Variants in DPP6 observed in about 807,000 individuals in gnomAD.
DPP6 encodes dipeptidyl peptidase like 6, also known as A-type potassium channel modulatory protein DPP6.
In DPP6, 69 loss-of-function variants were observed where a neutral mutation model predicts 122.6. The ratio of observed to expected loss-of-function variants is 0.56; its 90% CI spans 0.46 to 0.69. The LOEUF (loss-of-function observed/expected upper bound fraction) is 0.69, where lower values mean the gene tolerates loss of function less well. DPP6 is among the 30% of genes least tolerant of loss of function. The probability of loss-of-function intolerance (pLI) is 0.00; values close to 1 mark genes in which losing one functional copy is unlikely to be tolerated. For synonymous variants in DPP6, 418 were observed against 433.1 expected (o/e 0.97, Z 0.43); for missense variants, 928 against 1,116.9 (o/e 0.83, Z 2.41).
chr7:154,503,996 G>A (rs1002961738), intron 3 of DPP6, among the ~76,000 whole-genome samples: 16 of 152,196 alleles, frequency 1.1e-4, no homozygotes, highest in Admixed American at 9.8e-4. Context: ...TTATAGATAA[G>A]TAATAAAAAC....
chr7:153,982,626 C>T (rs764872779), intron 1 of DPP6, among the ~76,000 whole-genome samples: 1 of 151,548 alleles, frequency 6.6e-6, no homozygotes, highest in African/African-American at 2.4e-5. Context: ...AGAGGAATTC[C>T]GGTTTTTGGA....
At chr7:154,347,911 A>G (rs1810532164) in intron 1 of DPP6, among the ~76,000 whole-genome samples, 1 of 152,250 alleles carries the variant, frequency 6.6e-6, no homozygotes, top group African/African-American at 2.4e-5. Flanking sequence ...AAAAATCTGC[A>G]TATAATTAAG....
intron 1 of DPP6, among the ~76,000 whole-genome samples, chr7:154,061,796 G>A (rs1269184498): frequency 1.3e-4 from 18 of 135,542 alleles, no homozygotes; most frequent in African/African-American, 5.1e-4. Flanking sequence ...CACCCCTCGC[G>A]ACGCGGGGAC....
intron 8 of DPP6, among the ~76,000 whole-genome samples, chr7:154,749,100 A>C (rs1005902462): frequency 2.0e-5 from 3 of 148,694 alleles, no homozygotes; most frequent in Non-Finnish European, 3.0e-5. Flanking sequence ...CTTTACTGAG[A>C]GAGGGTGAGA....
At chr7:153,978,262 G>A (rs551542311) in intron 1 of DPP6, among the ~76,000 whole-genome samples, 118 of 152,314 alleles carry the variant, frequency 7.7e-4, no homozygotes, top group African/African-American at 2.7e-3. Flanking sequence ...GGTGTGAGAT[G>A]GTATCTCATT....
chr7:154,696,401 G>A (rs575834268), intron 7 of DPP6, among the ~76,000 whole-genome samples: 7 of 152,266 alleles, frequency 4.6e-5, no homozygotes, highest in Admixed American at 6.5e-5. Context: ...AAGTTTACCC[G>A]GGAGTCCAGG....
At chr7:154,571,220 C>T (rs1350513198) in intron 5 of DPP6, among the ~76,000 whole-genome samples, 1 of 152,048 alleles carries the variant, frequency 6.6e-6, no homozygotes, top group African/African-American at 2.4e-5. Flanking sequence ...ACAAATGTAT[C>T]TAATTAGAGC....
chr7:154,052,635 G>T lies in DPP6; in HGVS notation c.-186G>T, dbSNP rs1262411022. 5.5e-6 allele frequency: 7 copies of T among 1,269,522 alleles called. No homozygotes were observed. In the African/African-American group the frequency reaches 6.4e-5, roughly 12 times the overall value. 78.6% of individuals were successfully genotyped at this position (1,269,522 alleles called of 1,614,324 possible). A position where few individuals can be genotyped will look rare whatever the true frequency, so the allele number is the denominator to read the frequency against. ...GGCTGAGCCAGGCAGAGTCGCCAGC[G>T]GAGACTCGCGAGTGGCGCGCGGGAG... On this transcript the variant is annotated 5_prime_UTR_variant, in exon 1 of 26. Coordinates refer to ENST00000377770, the MANE Select transcript of DPP6 (RefSeq NM_130797.4). The surrounding 1 kb of genome is among the most constrained non-coding windows in gnomAD (Gnocchi z 4.8).
chr7:154,313,706 T>C (rs1304636472), intron 1 of DPP6, among the ~76,000 whole-genome samples: 2 of 18,342 alleles, frequency 1.1e-4, no homozygotes, highest in Admixed American at 5.9e-4. Context: ...TATATATATA[T>C]ATATATATAC....
intron 2 of DPP6, among the ~76,000 whole-genome samples, chr7:154,468,099 C>T (rs1821947466): frequency 6.6e-6 from 1 of 152,148 alleles, no homozygotes; most frequent in Non-Finnish European, 1.5e-5. Context: ...ACATCATTAG[C>T]TTGTAATATT....
intron 1 of DPP6, among the ~76,000 whole-genome samples, chr7:153,960,537 C>T (rs1302693771): frequency 6.7e-6 from 1 of 150,336 alleles, no homozygotes; most frequent in East Asian, 2.0e-4. Flanking sequence ...TGAGTGATAC[C>T]GAACTTTATT....
At chr7:153,960,483 T>C (rs1795295638) in intron 1 of DPP6, among the ~76,000 whole-genome samples, 1 of 151,722 alleles carries the variant, frequency 6.6e-6, no homozygotes, top group East Asian at 1.9e-4. Flanking sequence ...CTGCAAAAGA[T>C]TAGGGATGGT....
chr7:153,933,939 C>G (rs1475080469), intron 1 of DPP6, among the ~76,000 whole-genome samples: 1 of 152,240 alleles, frequency 6.6e-6, no homozygotes, highest in African/African-American at 2.4e-5. Flanking sequence ...CGTGGGAACA[C>G]AGATGCTGTT....
At chr7:154,810,012 T>C (rs1355870027) in intron 16 of DPP6, among the ~76,000 whole-genome samples, 2 of 152,122 alleles carry the variant, frequency 1.3e-5, no homozygotes, top group African/African-American at 2.4e-5. Flanking sequence ...TGGGATTACA[T>C]GGATACATAA....
chr7:154,763,438 C>T (rs1027068386), intron 8 of DPP6, among the ~76,000 whole-genome samples: 7 of 151,870 alleles, frequency 4.6e-5, no homozygotes, highest in South Asian at 2.1e-4. Flanking sequence ...GGCTTGCTGC[C>T]GAGGGAAGAG....
intron 1 of DPP6, among the ~76,000 whole-genome samples, chr7:154,351,196 T>C (rs933541138): frequency 2.0e-5 from 3 of 152,128 alleles, no homozygotes; most frequent in Non-Finnish European, 2.9e-5. Flanking sequence ...TTGTTAAAAA[T>C]TTAGCAATTT....
intron 6 of DPP6, among the ~76,000 whole-genome samples, chr7:154,668,467 C>T (rs971990216): frequency 4.0e-5 from 6 of 151,724 alleles, no homozygotes; most frequent in African/African-American, 1.5e-4. Flanking sequence ...TGATCGACCG[C>T]CTCAGCCTCC....
rs907496967 is a variant in DPP6 at position 154,877,302 on chromosome 7, A to T, written c.2078+1202A>T. On this transcript the variant is annotated intron_variant, in intron 20 of 25. Coordinates refer to ENST00000377770, the MANE Select transcript of DPP6 (RefSeq NM_130797.4). The surrounding 1 kb of genome is among the most constrained non-coding windows in gnomAD (Gnocchi z 5.2). ...CAGAAACCCGTGTTGCAGCTGGGAAATACGGAGCGGGAGAGCTCTCAGGAC... is the reference window on the plus strand; with the variant it reads ...CAGAAACCCGTGTTGCAGCTGGGAATTACGGAGCGGGAGAGCTCTCAGGAC... Among the ~76,000 whole-genome samples the T allele has an allele frequency of 6.6e-6, 1 of 152,142 alleles. No individual in the cohort carries two copies. Among genetic ancestry groups the T allele is most frequent in the Non-Finnish European group, 1.5e-5 (1 of 68,032 alleles).
At position 154,889,540 on chromosome 7, in the gene DPP6, G is replaced by C. The variant is rs149047494; in HGVS notation, c.2451+10G>C. The C allele has an allele frequency of 6.2e-7, 1 of 1,600,950 alleles. No homozygotes were observed. Among genetic ancestry groups the C allele is most frequent in the South Asian group, 1.1e-5 (1 of 88,782 alleles). ...TAATTACAGCTTACAGGTACAGTACGCATGTTACTCTGTTTTGAACCTGGA... is the reference window on the plus strand; with the variant it reads ...TAATTACAGCTTACAGGTACAGTACCCATGTTACTCTGTTTTGAACCTGGA... On this transcript the variant is annotated intron_variant, in intron 25 of 25. Coordinates refer to ENST00000377770, the MANE Select transcript of DPP6 (RefSeq NM_130797.4).
Sources: allele counts gnomAD v4.1 joint callset (sites outside exome capture counted in the v4.1 genomes callset), GRCh38; gene constraint gnomAD v4.1.1; non-coding constraint Gnocchi (gnomAD v3.1); transcripts MANE v1.5; gene names NCBI Gene and HGNC (gene_info 2026-07-23, HGNC 2026-07-21).